GALNT17: variants seen among roughly 807,000 people sequenced by gnomAD.
The protein encoded by GALNT17 is UDP-GalNAc:polypeptide N-acetylgalactosaminyltransferase-like 3.
A neutral mutation model predicts 63.7 loss-of-function variants in GALNT17; 29 were observed. The observed-to-expected ratio is 0.46, with a 90% CI of 0.34 to 0.62. The LOEUF (loss-of-function observed/expected upper bound fraction) is 0.62. Among genes scored for constraint, GALNT17 ranks in the 20% least tolerant of loss-of-function variants. GALNT17 has a pLI of 0.01. For synonymous variants in GALNT17, 305 were observed against 318.3 expected, an observed-to-expected ratio of 0.96 and a Z score of 0.45; for missense variants, 603 against 799.6, an observed-to-expected ratio of 0.75 and a Z score of 2.97.
chr7:71,701,841 GTGTATATATATATACACA>G (rs1791645913), intron 9 of GALNT17, among the ~76,000 whole-genome samples: 2 of 10,778 alleles, frequency 1.9e-4, no homozygotes, highest in African/African-American at 4.9e-4. Flanking sequence ...ATATATATAT[GTGTATATATATATACACA>G]TATATATATA....
intron 6 of GALNT17, among the ~76,000 whole-genome samples, chr7:71,587,616 A>G (rs921964617): frequency 2.0e-5 from 3 of 152,002 alleles, no homozygotes; most frequent in African/African-American, 4.8e-5. Context: ...ATATGGTTCT[A>G]TCTTTCACAC....
intron 5 of GALNT17, among the ~76,000 whole-genome samples, chr7:71,543,223 A>G (rs948545522): frequency 1.3e-5 from 2 of 152,166 alleles, no homozygotes; most frequent in Non-Finnish European, 2.9e-5. Context: ...TTTCCCTAAA[A>G]TATGTAGGAA....
intron 6 of GALNT17, among the ~76,000 whole-genome samples, chr7:71,577,779 T>C (rs564535609): frequency 6.6e-6 from 1 of 152,274 alleles, no homozygotes; most frequent in South Asian, 2.1e-4. Flanking sequence ...GCTCAAGATG[T>C]CTCTGAGCCA....
At chr7:71,339,145 C>T (rs1009277960) in intron 2 of GALNT17, among the ~76,000 whole-genome samples, 23 of 152,094 alleles carry the variant, frequency 1.5e-4, no homozygotes, top group Non-Finnish European at 2.8e-4. Flanking sequence ...GGAAAAGAGC[C>T]GGTTGAACAA....
intron 5 of GALNT17, among the ~76,000 whole-genome samples, chr7:71,533,544 A>G (rs969855806): frequency 6.6e-6 from 1 of 152,116 alleles, no homozygotes; most frequent in African/African-American, 2.4e-5. Context: ...GCTGGGGGGC[A>G]GAACAATATG....
In GALNT17 at chr7:71,712,028, T is replaced by G; in HGVS notation, c.1679T>G (p.Ile560Ser). 8 of 1,613,922 alleles carry G rather than the reference T, an allele frequency of 5.0e-6. No individual in the cohort carries two copies. Among genetic ancestry groups the G allele is most frequent in the Non-Finnish European group, 6.8e-6 (8 of 1,179,894 alleles). ...KRWNFIQNGA[I>S]MNKGTGRCLE... ...TTTGCCCCCTCCCAGAATGGAGCCA[T>G]CATGAACAAGGGCACGGGACGCTGC... Residue 560 changes from isoleucine (I) to serine (S), a missense_variant, in exon 11 of 11, where the codon ATC becomes AGC. Ile to Ser is a moderately radical substitution (Grantham distance 142). This residue lies in a region of GALNT17 where 72 missense variants were observed against 76.9 expected (regional missense o/e 0.94). Coordinates refer to ENST00000333538, the MANE Select transcript of GALNT17 (RefSeq NM_022479.3).
intron 9 of GALNT17, among the ~76,000 whole-genome samples, chr7:71,678,912 G>A (rs527786807): frequency 4.7e-5 from 7 of 147,888 alleles, no homozygotes; most frequent in Admixed American, 1.4e-4. Flanking sequence ...AGCTGAGATC[G>A]TGCCACCGCA....
At chr7:71,611,911 T>G (rs1790131050) in intron 6 of GALNT17, among the ~76,000 whole-genome samples, 1 of 152,008 alleles carries the variant, frequency 6.6e-6, no homozygotes, top group South Asian at 2.1e-4. Flanking sequence ...CCGCCTTATC[T>G]GGAGAGGAAA....
At chr7:71,286,795 TTTG>T (rs1790882986) in intron 1 of GALNT17, among the ~76,000 whole-genome samples, 1 of 151,568 alleles carries the variant, frequency 6.6e-6, no homozygotes, top group Non-Finnish European at 1.5e-5. Flanking sequence ...TGTTTGTTTG[TTTG>T]TTTTTTTGAG....
chr7:71,212,098 C>T (rs1006177409), intron 1 of GALNT17, among the ~76,000 whole-genome samples: 26 of 152,186 alleles, frequency 1.7e-4, no homozygotes, highest in Non-Finnish European at 8.8e-5. Flanking sequence ...GCAGCCCCTC[C>T]CATCACAGGC....
chr7:71,174,325 C>G (rs1345185085), intron 1 of GALNT17, among the ~76,000 whole-genome samples: 1 of 152,126 alleles, frequency 6.6e-6, no homozygotes, highest in Non-Finnish European at 1.5e-5. Context: ...GCCATGACCG[C>G]ACATTGGCAC....
chr7:71,153,920 TAATAA>T lies in GALNT17; in HGVS notation c.238+20893_238+20897del, dbSNP rs1483879633. Among the ~76,000 whole-genome samples, 15 of 147,308 alleles carry T rather than the reference TAATAA, an allele frequency of 1.0e-4. 1 individual carries two copies. In the East Asian group the frequency reaches 1.2e-3, roughly 11 times the overall value. On this transcript the variant is annotated intron_variant, in intron 1 of 10. Transcript: ENST00000333538. Reference sequence around the variant, plus strand: ...GAGACTCTGTCTCAAAAAATAATAGTAATAAAATAAAATAAAAATAAAAAATAAAA... The same window carrying T: ...GAGACTCTGTCTCAAAAAATAATAGTAATAAAATAAAAATAAAAAATAAAA...
chr7:71,583,948 C>A (rs1789677054), intron 6 of GALNT17, among the ~76,000 whole-genome samples: 1 of 149,768 alleles, frequency 6.7e-6, no homozygotes, highest in Non-Finnish European at 1.5e-5. Flanking sequence ...CATGGTGAAA[C>A]CCCGTCTCTA....
chr7:71,302,088 A>G (rs1436510770), intron 1 of GALNT17, among the ~76,000 whole-genome samples: 4 of 152,158 alleles, frequency 2.6e-5, no homozygotes, highest in Admixed American at 2.6e-4. Context: ...TCACCATACT[A>G]ATGCAGGAAC....
chr7:71,420,757 G>C (rs1168826538), intron 4 of GALNT17, 151 bp from the exon 5 acceptor site: 2 of 849,182 alleles, frequency 2.4e-6, no homozygotes, highest in Non-Finnish European at 3.8e-6. Context: ...TCCAGCGTGG[G>C]CAGGTCCCTG....
chr7:71,151,286 T>C (rs1022782470), intron 1 of GALNT17, among the ~76,000 whole-genome samples: 13 of 152,154 alleles, frequency 8.5e-5, no homozygotes, highest in Admixed American at 2.0e-4. Flanking sequence ...ATGCCACCTA[T>C]TTCTAGGTCA....
At chr7:71,615,564 C>CAGGTTCAGTGATTGATT (rs2116960564) in intron 6 of GALNT17, among the ~76,000 whole-genome samples, 1 of 150,460 alleles carries the variant, frequency 6.6e-6, no homozygotes, top group Non-Finnish European at 1.5e-5. Context: ...GCAACCTCTG[C>CAGGTTCAGTGATTGATT]CTCCTGGGCT....
chr7:71,377,113 AAATAT>A (rs1187405058), intron 2 of GALNT17, among the ~76,000 whole-genome samples: 14 of 82,076 alleles, frequency 1.7e-4, no homozygotes, highest in South Asian at 7.0e-4. Context: ...AAAATAAAAA[AAATAT>A]ATATATATAT....
intron 1 of GALNT17, among the ~76,000 whole-genome samples, chr7:71,148,970 C>T (rs1018604771): frequency 1.3e-5 from 2 of 151,190 alleles, no homozygotes; most frequent in South Asian, 4.2e-4. Context: ...CTTGCTCTGT[C>T]GCCTAGGCTG....
Sources: gnomAD v4.1 joint callset for allele counts (sites outside exome capture counted in the v4.1 genomes callset) on GRCh38, gnomAD v4.1.1 for gene constraint, gnomAD v4.1.1 regional missense constraint, MANE v1.5 for transcripts, NCBI Gene and HGNC (gene_info 2026-07-23, HGNC 2026-07-21) for gene names.